UBA52: variants seen among roughly 807,000 people sequenced by gnomAD.
UBA52 encodes the protein ubiquitin-ribosomal protein eL40 fusion protein.
A neutral mutation model predicts 15.3 loss-of-function variants in UBA52; 1 was observed. The ratio of observed to expected loss-of-function variants is 0.07; its 90% CI spans 0.02 to 0.31. UBA52 has a LOEUF of 0.31. Among genes scored for constraint, UBA52 ranks in the 10% least tolerant of loss-of-function variants. UBA52 has a pLI of 1.00. For missense variants in UBA52, 87 were observed against 168.0 expected (o/e 0.52, Z 2.66); for synonymous variants, 50 against 58.3 (o/e 0.86, Z 0.65).
upstream of UBA52, chr19:18,567,381 C>T (rs1287179228): frequency 1.7e-5 from 11 of 649,944 alleles, no homozygotes; most frequent in East Asian, 1.1e-4. Flanking sequence ...GACGGGAGTC[C>T]GTGCCCCGTG....
At chr19:18,573,096 G>T in intron 1 of UBA52, 197 bp from the exon 2 acceptor site, 2 of 1,227,156 alleles carry the variant, frequency 1.6e-6, no homozygotes, top group African/African-American at 1.5e-5. Flanking sequence ...TCCAGGACAT[G>T]TTTAGACTAC....
chr19:18,564,169 G>A, the UBA52 span, among the ~76,000 whole-genome samples: 2 of 152,056 alleles, frequency 1.3e-5, no homozygotes, highest in Admixed American at 6.6e-5. Flanking sequence ...GCAGGCATGA[G>A]CCCCCATGCC....
chr19:18,575,393 G>T lies in UBA52; in HGVS notation c.*243G>T, dbSNP rs970249871. On this transcript the variant is annotated 3_prime_UTR_variant, in exon 5 of 5. Coordinates refer to ENST00000442744, the MANE Select transcript of UBA52 (RefSeq NM_001033930.3). ...GCATTGGTCCCTGCCCTATGCCCCT[G>T]ACTCTGGATTTGTCATCTGTAAAAC... 4.4e-5 allele frequency: 23 copies of T among 521,850 alleles called. No individual in the cohort carries two copies. Among genetic ancestry groups the T allele is most frequent in the South Asian group, 4.0e-4 (19 of 46,964 alleles). The allele number at this position is 521,850 out of a possible 1,614,324, so 32.3% of individuals were successfully genotyped here. A position where few individuals can be genotyped will look rare whatever the true frequency, so the allele number is the denominator to read the frequency against.
Position 18,575,084 on chromosome 19 carries a change from T to C in UBA52, c.321T>C (p.Ala107=). 2 of 1,614,244 alleles carry C rather than the reference T, an allele frequency of 1.2e-6. No individual in the cohort carries two copies. The highest frequency in any genetic ancestry group is 1.1e-5 in the South Asian group (1 of 91,088). Residue 107 remains alanine, a synonymous_variant, in exon 5 of 5, where the codon GCT becomes GCC. Transcript: ENST00000442744. ...RKCYARLHPR[A]VNCRKKKCGH... ...GCTATGCTCGCCTTCACCCTCGTGC[T>C]GTCAACTGCCGCAAGAAGAAGTGTG...
chr19:18,567,772 C>T (rs961234411), upstream of UBA52, among the ~76,000 whole-genome samples: 3 of 152,342 alleles, frequency 2.0e-5, no homozygotes, highest in Admixed American at 1.3e-4. Flanking sequence ...GCTCTCCATC[C>T]CAGGGCCTCC....
At chr19:18,564,054 T>A in the UBA52 span, among the ~76,000 whole-genome samples, 2 of 152,098 alleles carry the variant, frequency 1.3e-5, no homozygotes, top group African/African-American at 4.8e-5. Flanking sequence ...GCCCAGCCAA[T>A]TTTTGTATTT....
At position 18,571,896 on chromosome 19, in the gene UBA52, C is replaced by T. The variant is rs979395708; in HGVS notation, c.-22C>T. 2.6e-5 allele frequency: 4 copies of T among 153,216 alleles called. No homozygotes were observed. Among genetic ancestry groups the T allele is most frequent in the East Asian group, 3.8e-4 (2 of 5,214 alleles). 9.5% of individuals were successfully genotyped at this position (153,216 alleles called of 1,614,324 possible). On this transcript the variant is annotated 5_prime_UTR_variant, in exon 1 of 5. Transcript: ENST00000442744. ...GCGAGGCGGCCGAGCTGGTTGGTGGCGGCGGTCGTGCGGGTTCGCGCCGGG... is the reference window on the plus strand; with the variant it reads ...GCGAGGCGGCCGAGCTGGTTGGTGGTGGCGGTCGTGCGGGTTCGCGCCGGG...
At chr19:18,569,346 C>A (rs191131888), upstream of UBA52, 67 of 152,668 alleles carry the variant, frequency 4.4e-4, no homozygotes, top group African/African-American at 1.6e-3. Context: ...GGGAAGTTAT[C>A]AATAAAAAGA....
Position 18,576,161 on chromosome 19 carries a change from G to A in UBA52, c.*1011G>A, listed in dbSNP as rs996821305. 7.9e-5 allele frequency: 12 copies of A among 152,244 alleles called. No individual in the cohort carries two copies. Among genetic ancestry groups the A allele is most frequent in the African/African-American group, 2.9e-4 (12 of 41,402 alleles). 9.4% of individuals were successfully genotyped at this position (152,244 alleles called of 1,614,324 possible). On this transcript the variant is annotated 3_prime_UTR_variant, in exon 5 of 5. Transcript: ENST00000442744. ...TCACTCTTAAGAAGGGCAACCCTTG[G>A]TGTTTTCCCCTTAAGGTCACCCAGG... is the stretch of plus-strand genomic sequence containing the variant.
chr19:18,574,234 T>C (rs765897817), intron 3 of UBA52, among the ~76,000 whole-genome samples: 13 of 148,592 alleles, frequency 8.7e-5, no homozygotes, highest in Admixed American at 4.0e-4. Context: ...AAAGTCATAA[T>C]GTGAATTTTT....
rs532163090 is a variant in UBA52, at chr19:18,575,699, C to A, written c.*549C>A. 3 of 161,890 alleles carry A rather than the reference C, an allele frequency of 1.9e-5. No homozygotes were observed. The highest frequency in any genetic ancestry group is 1.7e-4 in the South Asian group (1 of 5,902). The allele number at this position is 161,890 out of a possible 1,614,324, so 10.0% of individuals were successfully genotyped here. A position where few individuals can be genotyped will look rare whatever the true frequency, so the allele number is the denominator to read the frequency against. On this transcript the variant is annotated 3_prime_UTR_variant, in exon 5 of 5. Transcript: ENST00000442744. ...TCAGCCCCTCAAAGTGTTGGGATTA[C>A]AAGCAAGAACTGCCATGCCTGACCC...
chr19:18,572,042 G>A (rs1975513727), intron 1 of UBA52, 133 bp downstream of exon 1: 1 of 152,222 alleles, frequency 6.6e-6, no homozygotes, highest in Non-Finnish European at 1.5e-5. Context: ...GCGAGGCCAC[G>A]GCTCGGAGCC....
At chr19:18,565,566 T>G in the UBA52 span, among the ~76,000 whole-genome samples, 4 of 152,086 alleles carry the variant, frequency 2.6e-5, no homozygotes, top group African/African-American at 9.7e-5. Flanking sequence ...CTGGCTGGAG[T>G]GCAGTGGCGT....
chr19:18,570,511 T>C (rs995131734), upstream of UBA52, among the ~76,000 whole-genome samples: 4 of 135,998 alleles, frequency 2.9e-5, no homozygotes, highest in African/African-American at 1.1e-4. Context: ...GTGGCACTTT[T>C]TTTTTTTTTT....
chr19:18,565,012 G>A, the UBA52 span: 16 of 1,599,652 alleles, frequency 1.0e-5, no homozygotes, highest in Admixed American at 1.7e-5. Context: ...AGCATCTTCC[G>A]CCGTATCAGG....
intron 1 of UBA52, 197 bp downstream of exon 1, chr19:18,572,106 G>A (rs139218258): frequency 1.6e-4 from 25 of 152,446 alleles, no homozygotes; most frequent in African/African-American, 5.8e-4. Flanking sequence ...TGCCTGCTCT[G>A]CCTGCCAGCG....
chr19:18,564,802 T>G, the UBA52 span: 861,967 of 1,578,394 alleles, frequency 0.55, 242,273 homozygotes, highest in East Asian at 0.66. Flanking sequence ...ATGAACAGTC[T>G]TCTGGGCCAG....
the UBA52 span, chr19:18,565,085 G>GT: frequency 6.3e-7 from 1 of 1,582,414 alleles, no homozygotes; most frequent in South Asian, 1.1e-5. Context: ...CTGAGCCTCA[G>GT]TTTCCTTCAC....
upstream of UBA52, among the ~76,000 whole-genome samples, chr19:18,570,605 G>A (rs1022938705): frequency 1.4e-5 from 2 of 141,878 alleles, no homozygotes; most frequent in Admixed American, 7.7e-5. Flanking sequence ...TCCACCTCCC[G>A]GATTCAAGCG....
Sources: allele counts gnomAD v4.1 joint callset (sites outside exome capture counted in the v4.1 genomes callset), GRCh38; gene constraint gnomAD v4.1.1; transcripts MANE v1.5; gene names NCBI Gene and HGNC (gene_info 2026-07-23, HGNC 2026-07-21).